TPRA1: variants seen among roughly 807,000 people sequenced by gnomAD.
TPRA1 encodes the protein transmembrane protein adipocyte-associated 1.
Under a neutral mutation model 40.1 loss-of-function variants are expected in TPRA1, and 28 were observed. The observed-to-expected ratio is 0.70, with a 90% CI of 0.52 to 0.96. The LOEUF is 0.96. Ranked by LOEUF, TPRA1 falls within the 40% of genes least tolerant of loss-of-function variation. The pLI is 0.00. For synonymous variants in TPRA1, 219 were observed against 209.7 expected, an observed-to-expected ratio of 1.04 and a Z score of -0.38; for missense variants, 441 against 482.6, an observed-to-expected ratio of 0.91 and a Z score of 0.81.
At chr3:127,575,892 C>G in intron 7 of TPRA1, 48 bp downstream of exon 7, 1 of 1,611,336 alleles carries the variant, frequency 6.2e-7, no homozygotes, top group Non-Finnish European at 8.5e-7. Flanking sequence ...CAATCCCTAC[C>G]TGGCCCTAAG....
chr3:127,594,210 A>G (rs1003056319), upstream of TPRA1, among the ~76,000 whole-genome samples: 2 of 152,262 alleles, frequency 1.3e-5, no homozygotes, highest in African/African-American at 2.4e-5. Context: ...CCATCACAGA[A>G]GAGCAAGCAC....
chr3:127,571,509 G>A lies in TPRA1; in HGVS notation c.*2012C>T, dbSNP rs995992772. The A allele has an allele frequency of 1.3e-5, 2 of 152,198 alleles. No homozygotes were observed. The highest frequency in any genetic ancestry group is 2.9e-5 in the Non-Finnish European group (2 of 68,028). 9.4% of individuals were successfully genotyped at this position (152,198 alleles called of 1,614,324 possible). ...TGCAAAATTTTTCAGAAACAAAAGG[G>A]AAGTGGTTTATAAATTGCCATATAT... On this transcript the variant is annotated 3_prime_UTR_variant, in exon 11 of 11. Transcript: ENST00000355552.
upstream of TPRA1, chr3:127,592,025 A>G (rs1198312041): frequency 2.0e-5 from 3 of 152,156 alleles, no homozygotes; most frequent in Non-Finnish European, 2.9e-5. Flanking sequence ...ACCACACCCA[A>G]ATGTGCATAC....
chr3:127,577,265 C>A (rs542629402), intron 3 of TPRA1, among the ~76,000 whole-genome samples, 189 bp from the exon 4 acceptor site: 1 of 152,312 alleles, frequency 6.6e-6, no homozygotes, highest in South Asian at 2.1e-4. Context: ...GAGTTGCAGA[C>A]CCTCAACTGC....
At chr3:127,582,988 A>G (rs919057331) in intron 1 of TPRA1, among the ~76,000 whole-genome samples, 2 of 151,958 alleles carry the variant, frequency 1.3e-5, no homozygotes, top group Non-Finnish European at 2.9e-5. Flanking sequence ...TACTAAAAAT[A>G]CAAAAAAATT....
chr3:127,573,892 C>G (rs1333892344), intron 10 of TPRA1, 104 bp from the exon 11 acceptor site: 1 of 1,408,308 alleles, frequency 7.1e-7, no homozygotes, highest in South Asian at 1.5e-5. Flanking sequence ...AATTGACCAA[C>G]AGTCGCCTGA....
At chr3:127,577,146 AC>A in intron 3 of TPRA1, 70 bp from the exon 4 acceptor site, 2 of 1,505,448 alleles carry the variant, frequency 1.3e-6, no homozygotes, top group Non-Finnish European at 1.8e-6. Context: ...CAGCAAGCCC[AC>A]CCCCATATCT....
Position 127,576,121 on chromosome 3 carries a change from A to C in TPRA1, c.499-71T>G, listed in dbSNP as rs1256878143. 8 of 1,253,950 alleles carry C rather than the reference A, an allele frequency of 6.4e-6. No individual in the cohort carries two copies. Among genetic ancestry groups the C allele is most frequent in the Admixed American group, 5.7e-5 (3 of 52,458 alleles). The allele number at this position is 1,253,950 out of a possible 1,614,324, so 77.7% of individuals were successfully genotyped here. On this transcript the variant is annotated intron_variant, in intron 6 of 10. Transcript: ENST00000355552. The surrounding 1 kb of genome is among the most constrained non-coding windows in gnomAD (Gnocchi z 4.6). Reference sequence around the variant, plus strand: ...TTCTCTCTCCCAGGGGCTTTCCCTGATGCAAAGCCCCCTAAGCTCTCCACC... The same window carrying C: ...TTCTCTCTCCCAGGGGCTTTCCCTGCTGCAAAGCCCCCTAAGCTCTCCACC...
chr3:127,579,591 A>T, intron 3 of TPRA1, 149 bp downstream of exon 3: 1 of 961,666 alleles, frequency 1.0e-6, no homozygotes, highest in East Asian at 2.7e-5. Flanking sequence ...TCCCAAAGAG[A>T]TCAGAGATGC....
rs985530253 is a variant in TPRA1, at chr3:127,574,423, A to AC, written c.855-636dup. Among the ~76,000 whole-genome samples the AC allele has an allele frequency of 7.9e-5, 12 of 152,164 alleles. 1 individual carries two copies. The highest frequency in any genetic ancestry group is 1.8e-4 in the Non-Finnish European group (12 of 67,978). On this transcript the variant is annotated intron_variant, in intron 10 of 10. Transcript: ENST00000355552. ...CGACCACATTAAGGTCTGGAGTGGG[A>AC]CCCCCAATCCCATGTCTTCAGCATC...
Position 127,576,567 on chromosome 3 carries a change from T to C in TPRA1, c.498+50A>G, listed in dbSNP as rs1274766766. 2 of 1,515,442 alleles carry C rather than the reference T, an allele frequency of 1.3e-6. No individual in the cohort carries two copies. Among genetic ancestry groups the C allele is most frequent in the Admixed American group, 3.9e-5 (2 of 50,924 alleles). 93.9% of individuals were successfully genotyped at this position (1,515,442 alleles called of 1,614,324 possible). On this transcript the variant is annotated intron_variant, in intron 6 of 10. Transcript: ENST00000355552. The surrounding 1 kb of genome is among the most constrained non-coding windows in gnomAD (Gnocchi z 4.6). ...CTGACCCAGACCCAGAAGCAGTGGG[T>C]GCCTGGTGCCCTGACTCCTAGCGTC... is the stretch of plus-strand genomic sequence containing the variant.
intron 1 of TPRA1, chr3:127,587,259 C>T (rs1477592818): frequency 6.6e-6 from 1 of 152,182 alleles, no homozygotes; most frequent in Non-Finnish European, 1.5e-5. Context: ...CGCTCAGGTA[C>T]CCGCCTCAGA....
intron 1 of TPRA1, among the ~76,000 whole-genome samples, chr3:127,585,402 G>A (rs566077689): frequency 6.8e-4 from 104 of 152,350 alleles, no homozygotes; most frequent in African/African-American, 2.5e-3. Flanking sequence ...AGTGCAACCA[G>A]AAGGGTGTTA....
In TPRA1 at chr3:127,573,474, G is replaced by GCGGGC. The variant is rs1576360197; in HGVS notation, c.*46_*47insGCCCG. 1 of 1,569,236 alleles carries GCGGGC rather than the reference G, an allele frequency of 6.4e-7. No individual in the cohort carries two copies. Among genetic ancestry groups the GCGGGC allele is most frequent in the African/African-American group, 1.3e-5 (1 of 74,280 alleles). ...CTCCTCCCCTGGGGACTCTGGGCCT[G>GCGGGC]CTGGCCTCCTCTCTGGCCTGTCCTC... On this transcript the variant is annotated 3_prime_UTR_variant, in exon 11 of 11. Transcript: ENST00000355552.
rs997928065 is a variant in TPRA1 at position 127,581,125 on chromosome 3, C to T, written c.-17-962G>A. 3.3e-5 allele frequency among the ~76,000 whole-genome samples: 5 copies of T among 152,158 alleles called. 1 individual carries two copies. The highest frequency in any genetic ancestry group is 6.3e-3 in the Middle Eastern group (2 of 316). On this transcript the variant is annotated intron_variant, in intron 1 of 10. Transcript: ENST00000355552. ...CTCAGGAGGCAGCAACAGGTACTTC[C>T]GCAGGGAGTTCGGGGTGATCCAGGT... is the stretch of plus-strand genomic sequence containing the variant.
Position 127,575,923 on chromosome 3 carries a change from C to A in TPRA1, c.609+17G>T. 6.2e-7 allele frequency: 1 copy of A among 1,613,630 alleles called. No individual in the cohort carries two copies. The highest frequency in any genetic ancestry group is 8.5e-7 in the Non-Finnish European group (1 of 1,179,712). ...CTAAGGCCCCAGCCACCCCAGCTGC[C>A]CCAGCCTGAACCTCACCAGGAAGAA... On this transcript the variant is annotated intron_variant, in intron 7 of 10. Transcript: ENST00000355552.
At position 127,576,712 on chromosome 3, in the gene TPRA1, T is replaced by C. The variant is rs2073644428; in HGVS notation, c.419-16A>G. On this transcript the variant is annotated splice_polypyrimidine_tract_variant and intron_variant, in intron 5 of 10. Coordinates refer to ENST00000355552, the MANE Select transcript of TPRA1 (RefSeq NM_001136053.4). The surrounding 1 kb of genome is among the most constrained non-coding windows in gnomAD (Gnocchi z 4.6). ...TCCAGGTGGCCTGGAAGAAACATGC[T>C]GGTCAGCAGGCAGGAGCCAGCCCAG... is the stretch of plus-strand genomic sequence containing the variant. 1 of 1,609,304 alleles carries C rather than the reference T, an allele frequency of 6.2e-7. No homozygotes were observed. The highest frequency in any genetic ancestry group is 1.7e-5 in the Admixed American group (1 of 59,300).
chr3:127,583,947 G>A (rs1238013589), intron 1 of TPRA1, among the ~76,000 whole-genome samples: 1 of 151,784 alleles, frequency 6.6e-6, no homozygotes, highest in East Asian at 2.0e-4. Context: ...GGGATTACAG[G>A]TGTGAGCCAC....
chr3:127,588,657 A>G (rs1030884364), intron 1 of TPRA1, among the ~76,000 whole-genome samples: 3 of 152,030 alleles, frequency 2.0e-5, no homozygotes, highest in African/African-American at 7.2e-5. Flanking sequence ...CTGACCTCAG[A>G]TGATCCACCC....
Sources: allele counts gnomAD v4.1 joint callset (sites outside exome capture counted in the v4.1 genomes callset), GRCh38; gene constraint gnomAD v4.1.1; non-coding constraint Gnocchi (gnomAD v3.1); transcripts MANE v1.5; gene names NCBI Gene and HGNC (gene_info 2026-07-23, HGNC 2026-07-21).